PRKN: variants seen among roughly 807,000 people sequenced by gnomAD.
The protein encoded by PRKN is E3 ubiquitin-protein ligase parkin.
A neutral mutation model predicts 59.5 loss-of-function variants in PRKN; 56 were observed. The observed-to-expected ratio is 0.94, with a 90% confidence interval of 0.76 to 1.18. The LOEUF (loss-of-function observed/expected upper bound fraction) is 1.18. Among genes scored for constraint, PRKN ranks in the 50% most tolerant of loss-of-function variants. The pLI, the probability that PRKN is intolerant of heterozygous loss-of-function variation, is 0.00. For missense variants in PRKN, 657 were observed against 596.4 expected (o/e 1.10, Z -1.06); for synonymous variants, 250 against 222.1 (o/e 1.13, Z -1.12).
At chr6:162,094,690 A>T (rs1288414961) in intron 4 of PRKN, among the ~76,000 whole-genome samples, 1 of 152,130 alleles carries the variant, frequency 6.6e-6, no homozygotes, top group Non-Finnish European at 1.5e-5. Context: ...TCTCGGTAAC[A>T]TTGTTTCATT....
intron 4 of PRKN, among the ~76,000 whole-genome samples, chr6:162,095,110 A>C (rs1779671717): frequency 6.6e-6 from 1 of 152,190 alleles, no homozygotes; most frequent in Admixed American, 6.5e-5. Context: ...CTGGGTCTTC[A>C]GGGGAAGGCT....
chr6:162,346,872 TGG>T (rs1784425004), intron 2 of PRKN, among the ~76,000 whole-genome samples: 6 of 152,068 alleles, frequency 3.9e-5, no homozygotes, highest in Admixed American at 6.6e-5. Context: ...TATATATCTA[TGG>T]ATATATACAT....
intron 1 of PRKN, among the ~76,000 whole-genome samples, chr6:162,574,569 G>A (rs534288526): frequency 1.3e-5 from 2 of 152,128 alleles, no homozygotes; most frequent in Admixed American, 6.5e-5. Flanking sequence ...TTATTTCAAC[G>A]TGTATCTTGG....
chr6:162,554,105 G>C (rs145422612), intron 1 of PRKN, among the ~76,000 whole-genome samples: 2 of 152,210 alleles, frequency 1.3e-5, no homozygotes, highest in African/African-American at 4.8e-5. Context: ...GAGAGTGTTC[G>C]ATGAGAATAG....
At chr6:162,010,851 T>TAATGTA (rs1220759157) in intron 5 of PRKN, among the ~76,000 whole-genome samples, 2 of 7,826 alleles carry the variant, frequency 2.6e-4, no homozygotes, top group Non-Finnish European at 3.2e-4. Flanking sequence ...ATACATAATA[T>TAATGTA]TAATATATAT....
intron 6 of PRKN, among the ~76,000 whole-genome samples, chr6:161,961,647 C>T (rs968091576): frequency 1.3e-5 from 2 of 152,140 alleles, no homozygotes; most frequent in Non-Finnish European, 2.9e-5. Flanking sequence ...AGAGTGTCCC[C>T]GTCGACGGCT....
intron 9 of PRKN, among the ~76,000 whole-genome samples, chr6:161,511,823 G>GAAA (rs113379330): frequency 6.9e-6 from 1 of 144,214 alleles, no homozygotes; most frequent in African/African-American, 2.5e-5. Flanking sequence ...TTGATCTTAG[G>GAAA]AAAAAAAAAA....
chr6:162,569,517 A>AGAC, intron 1 of PRKN: 1 of 705,636 alleles, frequency 1.4e-6, no homozygotes, highest in Non-Finnish European at 2.7e-6. Context: ...ATCCATACAA[A>AGAC]GACCACCAGC....
rs1474622960 is a variant in PRKN, at chr6:161,569,430, G to A, written c.872-14C>T. On this transcript the variant is annotated splice_polypyrimidine_tract_variant and intron_variant, in intron 7 of 11. Coordinates refer to ENST00000366898, the MANE Select transcript of PRKN (RefSeq NM_004562.3). ...TGGGACAGCCAGCTGTTGGAAAGAA[G>A]AATTAATCACAAAAACGTCACTTTC... 1 of 1,610,286 alleles carries A rather than the reference G, an allele frequency of 6.2e-7. No homozygotes were observed. Among genetic ancestry groups the A allele is most frequent in the Non-Finnish European group, 8.5e-7 (1 of 1,176,560 alleles).
chr6:162,065,456 T>C (rs565678284), intron 4 of PRKN, among the ~76,000 whole-genome samples: 19 of 152,294 alleles, frequency 1.2e-4, no homozygotes, highest in African/African-American at 3.8e-4. Context: ...CCTACCCACA[T>C]TGAGGATGGG....
Position 161,459,622 on chromosome 6 carries a change from G to A in PRKN, c.1084-72745C>T, listed in dbSNP as rs1790116410. On this transcript the variant is annotated intron_variant, in intron 9 of 11. Coordinates refer to ENST00000366898, the MANE Select transcript of PRKN (RefSeq NM_004562.3). The surrounding 1 kb of genome is among the most constrained non-coding windows in gnomAD (Gnocchi z 4.8). Reference sequence around the variant, plus strand: ...TTCTCTGAGATCCATCCTGCTGTCAGCCCTAGAACTCCCTCACAAGCAAGC... The same window carrying A: ...TTCTCTGAGATCCATCCTGCTGTCAACCCTAGAACTCCCTCACAAGCAAGC... 6.6e-6 allele frequency among the ~76,000 whole-genome samples: 1 copy of A among 152,154 alleles called. No individual in the cohort carries two copies. Among genetic ancestry groups the A allele is most frequent in the Non-Finnish European group, 1.5e-5 (1 of 68,020 alleles).
At chr6:162,214,421 C>G (rs946707756) in intron 3 of PRKN, among the ~76,000 whole-genome samples, 1 of 152,136 alleles carries the variant, frequency 6.6e-6, no homozygotes, top group Non-Finnish European at 1.5e-5. Flanking sequence ...ATGGCAGCCA[C>G]TGGTTACCTG....
chr6:161,660,575 C>G (rs1784506634), intron 7 of PRKN, among the ~76,000 whole-genome samples: 3 of 152,134 alleles, frequency 2.0e-5, no homozygotes. Flanking sequence ...AGAAAGGAGT[C>G]TGATTGTGAA....
chr6:162,629,819 GAAT>G (rs1320615462), intron 1 of PRKN, among the ~76,000 whole-genome samples: 3 of 152,086 alleles, frequency 2.0e-5, no homozygotes, highest in Non-Finnish European at 2.9e-5. Context: ...ACAGAATCTA[GAAT>G]AATTATTATG....
chr6:161,639,818 C>A (rs2128157966), intron 7 of PRKN, among the ~76,000 whole-genome samples: 1 of 152,350 alleles, frequency 6.6e-6, no homozygotes, highest in Non-Finnish European at 1.5e-5. Flanking sequence ...ATTCCCTCAT[C>A]CTGTAACACA....
intron 7 of PRKN, among the ~76,000 whole-genome samples, chr6:161,732,914 A>C (rs1312482749): frequency 2.6e-5 from 4 of 152,154 alleles, no homozygotes; most frequent in African/African-American, 9.7e-5. Context: ...TCTAGGGACA[A>C]ATGGAGATCT....
intron 1 of PRKN, among the ~76,000 whole-genome samples, chr6:162,654,459 G>T (rs780934439): frequency 1.7e-4 from 26 of 152,236 alleles, no homozygotes; most frequent in Admixed American, 3.3e-4. Context: ...TCCCAACCAC[G>T]ATTTGTGCCA....
At chr6:161,713,419 T>G (rs1445503257) in intron 7 of PRKN, among the ~76,000 whole-genome samples, 1 of 152,166 alleles carries the variant, frequency 6.6e-6, no homozygotes, top group African/African-American at 2.4e-5. Flanking sequence ...TTGGTCTTTC[T>G]GGGCCAATCT....
intron 2 of PRKN, among the ~76,000 whole-genome samples, chr6:162,415,256 T>G (rs1347428013): frequency 6.6e-6 from 1 of 152,106 alleles, no homozygotes; most frequent in Non-Finnish European, 1.5e-5. Flanking sequence ...ACTATTTAAA[T>G]TTTAACACGA....
Sources: gnomAD v4.1 joint callset for allele counts (sites outside exome capture counted in the v4.1 genomes callset) on GRCh38, gnomAD v4.1.1 for gene constraint, Gnocchi (gnomAD v3.1) non-coding constraint, MANE v1.5 for transcripts, NCBI Gene and HGNC (gene_info 2026-07-23, HGNC 2026-07-21) for gene names.